The following AGTRAP variants were observed in gnomAD, a reference collection of about 807,000 sequenced individuals.
AGTRAP encodes the protein angiotensin II receptor associated protein.
Under a neutral mutation model 15.2 loss-of-function variants are expected in AGTRAP, and 7 were observed. The observed-to-expected ratio is 0.46, with a 90% CI of 0.26 to 0.87. AGTRAP has a LOEUF of 0.87. Ranked by LOEUF, AGTRAP falls within the 40% of genes least tolerant of loss-of-function variation. AGTRAP has a pLI of 0.15. For synonymous variants in AGTRAP, 74 were observed against 89.6 expected (o/e 0.83, Z 0.98); for missense variants, 187 against 213.4 (o/e 0.88, Z 0.77).
chr1:11,748,511 G>C lies in AGTRAP; in HGVS notation c.265G>C (p.Val89Leu), dbSNP rs372009893. Residue 89 changes from valine to leucine, a missense_variant, in exon 4 of 5, where the codon GTG becomes CTG. Coordinates refer to ENST00000314340, the MANE Select transcript of AGTRAP (RefSeq NM_020350.5). ...VSLTDTGRFG[V>L]GMAILSLLLK... ...CCTCACGGACACGGGCCGCTTTGGC[G>C]TGGGCATGGCCATCCTCAGCTTGCT... 22 of 1,612,834 alleles carry C rather than the reference G, an allele frequency of 1.4e-5. No homozygotes were observed. The highest frequency in any genetic ancestry group is 8.0e-5 in the African/African-American group (6 of 74,932).
chr1:11,748,973 C>G (rs1190684245), intron 4 of AGTRAP, among the ~76,000 whole-genome samples: 1 of 152,206 alleles, frequency 6.6e-6, no homozygotes, highest in Non-Finnish European at 1.5e-5. Flanking sequence ...CCTCTCTGTT[C>G]TCACCGGGGC....
chr1:11,748,357 G>C, intron 3 of AGTRAP, 58 bp from the exon 4 acceptor site: 1 of 1,553,788 alleles, frequency 6.4e-7, no homozygotes. Context: ...GGTGTGTGGC[G>C]GGGGAGCCAC....
intron 1 of AGTRAP, chr1:11,744,528 C>T (rs368535101): frequency 2.8e-6 from 2 of 716,152 alleles, no homozygotes; most frequent in Admixed American, 2.0e-5. Context: ...CTCTGCCCCC[C>T]ACAGTGCGCC....
At chr1:11,736,820 A>G (rs1191772949) in intron 1 of AGTRAP, among the ~76,000 whole-genome samples, 1 of 152,236 alleles carries the variant, frequency 6.6e-6, no homozygotes, top group Non-Finnish European at 1.5e-5. Flanking sequence ...GCACTGGGGA[A>G]AACACTGCAG....
chr1:11,748,482 T>C lies in AGTRAP; in HGVS notation c.236T>C (p.Val79Ala). 6.2e-7 allele frequency: 1 copy of C among 1,613,678 alleles called. No individual in the cohort carries two copies. The highest frequency in any genetic ancestry group is 8.5e-7 in the Non-Finnish European group (1 of 1,180,016). The change falls in exon 4 of 5, where the codon GTC (valine) becomes GCC (alanine). Residue 79 changes from valine to alanine, a missense_variant. Transcript: ENST00000314340. ...IVHISIFYPR[V>A]SLTDTGRFGV... is the part of the protein sequence containing the mutation. ...CACATCAGCATCTTCTACCCGCGGG[T>C]CAGCCTCACGGACACGGGCCGCTTT... is the stretch of plus-strand genomic sequence containing the variant.
chr1:11,736,957 G>C (rs928907059), intron 1 of AGTRAP, among the ~76,000 whole-genome samples: 2 of 152,144 alleles, frequency 1.3e-5, no homozygotes, highest in Non-Finnish European at 2.9e-5. Flanking sequence ...CATTAGAGGG[G>C]CTAGGGGCTG....
At chr1:11,747,346 T>G in intron 2 of AGTRAP, 94 bp from the exon 3 acceptor site, 2 of 1,152,086 alleles carry the variant, frequency 1.7e-6, no homozygotes, top group East Asian at 2.4e-5. Context: ...GACTATGGCA[T>G]GTTCTGGGAG....
chr1:11,743,297 G>C (rs1381141620), intron 1 of AGTRAP, among the ~76,000 whole-genome samples: 1 of 151,512 alleles, frequency 6.6e-6, no homozygotes, highest in African/African-American at 2.4e-5. Flanking sequence ...CCAAGCTGGA[G>C]TGCTGTGGCC....
rs1051749856 is a variant in AGTRAP at position 11,745,016 on chromosome 1, G to A, written c.28-787G>A. Among the ~76,000 whole-genome samples, 4 of 151,792 alleles carry A rather than the reference G, an allele frequency of 2.6e-5. No homozygotes were observed. Among genetic ancestry groups the A allele is most frequent in the East Asian group, 1.9e-4 (1 of 5,176 alleles). On this transcript the variant is annotated intron_variant, in intron 1 of 4. Coordinates refer to ENST00000314340, the MANE Select transcript of AGTRAP (RefSeq NM_020350.5). The surrounding 1 kb of genome is among the most constrained non-coding windows in gnomAD (Gnocchi z 4.2). ...ATTACAGGCACACACCACCATGCCC[G>A]GCTAATTTTTGTATTTTTAGTAGAG...
At chr1:11,743,568 CCT>C in intron 1 of AGTRAP, among the ~76,000 whole-genome samples, 1 of 71,754 alleles carries the variant, frequency 1.4e-5, no homozygotes, top group Admixed American at 1.8e-4. Context: ...TTCTTTCTTT[CCT>C]TTTTTTTTTT....
intron 1 of AGTRAP, among the ~76,000 whole-genome samples, chr1:11,742,390 G>A (rs1642052478): frequency 6.6e-6 from 1 of 152,150 alleles, no homozygotes; most frequent in Non-Finnish European, 1.5e-5. Flanking sequence ...GCCAGAGTGA[G>A]TTTGTCTGTC....
At chr1:11,744,053 A>T (rs1199722458) in intron 1 of AGTRAP, among the ~76,000 whole-genome samples, 1 of 152,126 alleles carries the variant, frequency 6.6e-6, no homozygotes, top group East Asian at 1.9e-4. Flanking sequence ...AGGTGGGTAG[A>T]TTGCTTGAGC....
At chr1:11,749,186 GA>G (rs1642251827) in intron 4 of AGTRAP, among the ~76,000 whole-genome samples, 1 of 152,222 alleles carries the variant, frequency 6.6e-6, no homozygotes, top group African/African-American at 2.4e-5. Context: ...CGCCCTCTCT[GA>G]ACTCCTGTAC....
chr1:11,748,478 C>G lies in AGTRAP; in HGVS notation c.232C>G (p.Arg78Gly), dbSNP rs377758973. The change falls in exon 4 of 5, where the codon CGG becomes GGG. Residue 78 changes from arginine (R) to glycine (G), a missense_variant. Arg to Gly is a moderately radical substitution (Grantham distance 125). Coordinates refer to ENST00000314340, the MANE Select transcript of AGTRAP (RefSeq NM_020350.5). ...CGTGCACATCAGCATCTTCTACCCG[C>G]GGGTCAGCCTCACGGACACGGGCCG... The part of the protein sequence containing the change: ...DIVHISIFYP[R>G]VSLTDTGRFG... 1.2e-5 allele frequency: 19 copies of G among 1,613,696 alleles called. No individual in the cohort carries two copies. The Admixed American group carries it at 3.2e-4, about 27-fold the overall frequency.
At chr1:11,742,644 C>T (rs1642060611) in intron 1 of AGTRAP, among the ~76,000 whole-genome samples, 1 of 152,178 alleles carries the variant, frequency 6.6e-6, no homozygotes. Context: ...GATTCTCCCA[C>T]CTCAGCCTCC....
chr1:11,736,954 G>A (rs981681698), intron 1 of AGTRAP, among the ~76,000 whole-genome samples: 1 of 152,148 alleles, frequency 6.6e-6, no homozygotes, highest in African/African-American at 2.4e-5. Context: ...TTGCATTAGA[G>A]GGGCTAGGGG....
chr1:11,742,260 A>G (rs540125139), intron 1 of AGTRAP, among the ~76,000 whole-genome samples: 78 of 152,366 alleles, frequency 5.1e-4, no homozygotes, highest in African/African-American at 1.8e-3. Flanking sequence ...AATGGGAATA[A>G]TAGTACCAGA....
chr1:11,748,053 C>T (rs1346421330), intron 3 of AGTRAP, among the ~76,000 whole-genome samples: 2 of 152,170 alleles, frequency 1.3e-5, no homozygotes, highest in Non-Finnish European at 1.5e-5. Context: ...AGGCCAGGGC[C>T]TCAGGATGAC....
chr1:11,747,316 C>A, intron 2 of AGTRAP, 124 bp from the exon 3 acceptor site: 1 of 862,886 alleles, frequency 1.2e-6, no homozygotes, highest in Non-Finnish European at 1.9e-6. Context: ...TTTGCTGGCA[C>A]ACAGCCGGGT....
Sources: gnomAD v4.1 joint callset for allele counts (sites outside exome capture counted in the v4.1 genomes callset) on GRCh38, gnomAD v4.1.1 for gene constraint, Gnocchi (gnomAD v3.1) non-coding constraint, MANE v1.5 for transcripts, NCBI Gene and HGNC (gene_info 2026-07-23, HGNC 2026-07-21) for gene names.